Variants in KIRREL3 observed in about 807,000 individuals in gnomAD.
The protein encoded by KIRREL3 is kirre like nephrin family adhesion molecule 3, also known as kin of IRRE-like protein 3.
A neutral mutation model predicts 89.7 loss-of-function variants in KIRREL3; 36 were observed. That is an observed-to-expected ratio of 0.40 (90% CI 0.31 to 0.53). The LOEUF (loss-of-function observed/expected upper bound fraction) is 0.53. Ranked by LOEUF, KIRREL3 falls within the 20% of genes least tolerant of loss-of-function variation. KIRREL3 has a pLI of 0.49. For missense variants in KIRREL3, 864 were observed against 1,056.6 expected, an observed-to-expected ratio of 0.82 and a Z score of 2.53; for synonymous variants, 445 against 441.4, an observed-to-expected ratio of 1.01 and a Z score of -0.10.
At chr11:126,785,590 A>G (rs1950462633) in intron 1 of KIRREL3, among the ~76,000 whole-genome samples, 1 of 152,116 alleles carries the variant, frequency 6.6e-6, no homozygotes, top group Non-Finnish European at 1.5e-5. Flanking sequence ...TAAAAAGCCT[A>G]TAGAAGGCCA....
chr11:126,823,672 G>A (rs975638370), intron 1 of KIRREL3, among the ~76,000 whole-genome samples: 1 of 152,208 alleles, frequency 6.6e-6, no homozygotes, highest in African/African-American at 2.4e-5. Flanking sequence ...CAGTCTCCAG[G>A]CTTCTCTATC....
chr11:126,699,499 A>T (rs1197885728), intron 1 of KIRREL3, among the ~76,000 whole-genome samples: 2 of 152,238 alleles, frequency 1.3e-5, no homozygotes, highest in East Asian at 1.9e-4. Context: ...AGTAAAAAGA[A>T]ATGTGAAATT....
chr11:126,436,775 C>T (rs369757456), intron 12 of KIRREL3, 36 bp downstream of exon 12: 85 of 1,610,700 alleles, frequency 5.3e-5, no homozygotes, highest in Non-Finnish European at 6.7e-5. Context: ...CTGGTTCCAT[C>T]GTTCGTTGTT....
At chr11:126,884,683 G>T (rs761073536) in intron 1 of KIRREL3, among the ~76,000 whole-genome samples, 11 of 152,036 alleles carry the variant, frequency 7.2e-5, no homozygotes, top group Non-Finnish European at 1.5e-4. Context: ...CTAATTAATC[G>T]ATTCATCAAA....
chr11:126,508,477 T>C lies in KIRREL3; in HGVS notation c.433+12838A>G, dbSNP rs1330339034. Among the ~76,000 whole-genome samples, 1 of 150,946 alleles carries C rather than the reference T, an allele frequency of 6.6e-6. No homozygotes were observed. Among genetic ancestry groups the C allele is most frequent in the African/African-American group, 2.4e-5 (1 of 40,970 alleles). ...GAGGAGGAGGGGCTGCCAGGAAGGG[T>C]TTTTGGAAGCCTTGGGTTTGCTCTT... On this transcript the variant is annotated intron_variant, in intron 4 of 16. Transcript: ENST00000525144. This position sits in a 1 kb window ranked among gnomAD's most constrained non-coding sequence, Gnocchi z 4.9.
chr11:126,938,097 A>G (rs1948284275), intron 1 of KIRREL3, among the ~76,000 whole-genome samples: 1 of 152,190 alleles, frequency 6.6e-6, no homozygotes, highest in Non-Finnish European at 1.5e-5. Flanking sequence ...TGTTTATACC[A>G]TTGTGGTTGG....
In KIRREL3 at chr11:126,776,382, A is replaced by G. The variant is rs1016255676; in HGVS notation, c.56-213470T>C. Among the ~76,000 whole-genome samples, 1 of 151,954 alleles carries G rather than the reference A, an allele frequency of 6.6e-6. No individual in the cohort carries two copies. The highest frequency in any genetic ancestry group is 6.6e-5 in the Admixed American group (1 of 15,266). Reference sequence around the variant, plus strand: ...AGGTCTGTCTTACGCAAGTCATGAAACCTCACTGAACCAGTTTCCCATTGG... The same window carrying G: ...AGGTCTGTCTTACGCAAGTCATGAAGCCTCACTGAACCAGTTTCCCATTGG... On this transcript the variant is annotated intron_variant, in intron 1 of 16. Coordinates refer to ENST00000525144, the MANE Select transcript of KIRREL3 (RefSeq NM_032531.4). The surrounding 1 kb of genome is among the most constrained non-coding windows in gnomAD (Gnocchi z 4.7).
At chr11:126,895,771 C>T (rs138840435) in intron 1 of KIRREL3, among the ~76,000 whole-genome samples, 86 of 152,232 alleles carry the variant, frequency 5.6e-4, no homozygotes, top group African/African-American at 2.0e-3. Flanking sequence ...GGTCACCTCC[C>T]TAACTTCCCC....
At position 126,694,777 on chromosome 11, in the gene KIRREL3, C is replaced by T. The variant is rs1299837339; in HGVS notation, c.56-131865G>A. ...GGAATTCATTATATATATGAGAGTGCTTACTCAGTATCAGGTAGATGCTCA... is the reference window on the plus strand; with the variant it reads ...GGAATTCATTATATATATGAGAGTGTTTACTCAGTATCAGGTAGATGCTCA... On this transcript the variant is annotated intron_variant, in intron 1 of 16. Transcript: ENST00000525144. This position sits in a 1 kb window ranked among gnomAD's most constrained non-coding sequence, Gnocchi z 4.4. Among the ~76,000 whole-genome samples the T allele has an allele frequency of 6.6e-6, 1 of 152,142 alleles. No individual in the cohort carries two copies. The highest frequency in any genetic ancestry group is 2.4e-5 in the African/African-American group (1 of 41,430).
At chr11:126,503,536 G>A (rs1957930097) in intron 4 of KIRREL3, among the ~76,000 whole-genome samples, 1 of 152,152 alleles carries the variant, frequency 6.6e-6, no homozygotes, top group African/African-American at 2.4e-5. Context: ...GGTGGCCATG[G>A]GGAAGGAACC....
chr11:126,642,408 G>A lies in KIRREL3; in HGVS notation c.56-79496C>T, dbSNP rs1003944962. ...TCCAGGACTCCTACAGGGAACAGGA[G>A]GGGAAGAAAATTGCCTCTCTGTGAA... On this transcript the variant is annotated intron_variant, in intron 1 of 16. Transcript: ENST00000525144. The surrounding 1 kb of genome is among the most constrained non-coding windows in gnomAD (Gnocchi z 4.9). Among the ~76,000 whole-genome samples, 3 of 152,354 alleles carry A rather than the reference G, an allele frequency of 2.0e-5. No homozygotes were observed. The highest frequency in any genetic ancestry group is 3.4e-3 in the Middle Eastern group (1 of 294).
chr11:126,858,241 G>A (rs1416637619), intron 1 of KIRREL3, among the ~76,000 whole-genome samples: 9 of 152,324 alleles, frequency 5.9e-5, no homozygotes, highest in East Asian at 3.9e-4. Flanking sequence ...CGCACATCCC[G>A]TTGACGGCTG....
chr11:126,523,615 C>T lies in KIRREL3; in HGVS notation c.284-2151G>A, dbSNP rs1431517141. Among the ~76,000 whole-genome samples, 1 of 152,074 alleles carries T rather than the reference C, an allele frequency of 6.6e-6. No homozygotes were observed. The highest frequency in any genetic ancestry group is 1.5e-5 in the Non-Finnish European group (1 of 68,014). On this transcript the variant is annotated intron_variant, in intron 3 of 16. Coordinates refer to ENST00000525144, the MANE Select transcript of KIRREL3 (RefSeq NM_032531.4). The surrounding 1 kb of genome is among the most constrained non-coding windows in gnomAD (Gnocchi z 4.9). ...CCTCTCCTCCTGCCCACACTTCCCG[C>T]CTTCTGCTGGGCTTTGGGAATGAGC...
rs1361301687 is a variant in KIRREL3, at chr11:126,912,710, G to A, written c.55+87745C>T. Among the ~76,000 whole-genome samples the A allele has an allele frequency of 2.0e-5, 3 of 152,224 alleles. No homozygotes were observed. The highest frequency in any genetic ancestry group is 4.8e-5 in the African/African-American group (2 of 41,456). On this transcript the variant is annotated intron_variant, in intron 1 of 16. Transcript: ENST00000525144. This position sits in a 1 kb window ranked among gnomAD's most constrained non-coding sequence, Gnocchi z 4.7. ...TGTTTCTGGGGTCTTTGTTTCAAAT[G>A]TGAGGCACAACAGAGCATCCTGCTG...
At chr11:126,542,139 C>T (rs543650465) in intron 2 of KIRREL3, among the ~76,000 whole-genome samples, 1 of 152,356 alleles carries the variant, frequency 6.6e-6, no homozygotes, top group South Asian at 2.1e-4. Flanking sequence ...AAAGCAGGCC[C>T]ACCCGGCGTG....
intron 1 of KIRREL3, among the ~76,000 whole-genome samples, chr11:126,933,175 T>A (rs555884268): frequency 3.3e-5 from 5 of 152,232 alleles, no homozygotes; most frequent in African/African-American, 1.2e-4. Flanking sequence ...AAAGGAAAAA[T>A]GCTGTGCAAT....
intron 1 of KIRREL3, among the ~76,000 whole-genome samples, chr11:126,848,937 G>A (rs528574374): frequency 6.6e-6 from 1 of 152,266 alleles, no homozygotes; most frequent in Non-Finnish European, 1.5e-5. Context: ...ACAACCCTTA[G>A]GATTAAGAGT....
chr11:126,469,264 A>ACAG (rs1168458064), intron 5 of KIRREL3, among the ~76,000 whole-genome samples: 1 of 152,260 alleles, frequency 6.6e-6, no homozygotes, highest in African/African-American at 2.4e-5. Flanking sequence ...GTCAGACCCG[A>ACAG]CAGCAGCCAG....
rs1376900573 is a variant in KIRREL3, at chr11:126,427,709, G to A, written c.1806+1470C>T. ...GGGCTTTGTCCAGCAGATGTGGGGA[G>A]CCACCGAGGGATTTTAAGTGGGCAA... is the stretch of plus-strand genomic sequence containing the variant. On this transcript the variant is annotated intron_variant, in intron 15 of 16. Transcript: ENST00000525144. This position sits in a 1 kb window ranked among gnomAD's most constrained non-coding sequence, Gnocchi z 5.3. 1.3e-5 allele frequency among the ~76,000 whole-genome samples: 2 copies of A among 152,174 alleles called. No homozygotes were observed. The highest frequency in any genetic ancestry group is 4.8e-5 in the African/African-American group (2 of 41,442).
Sources: gnomAD v4.1 joint callset for allele counts (sites outside exome capture counted in the v4.1 genomes callset) on GRCh38, gnomAD v4.1.1 for gene constraint, Gnocchi (gnomAD v3.1) non-coding constraint, MANE v1.5 for transcripts, NCBI Gene and HGNC (gene_info 2026-07-23, HGNC 2026-07-21) for gene names.